The following SIM1 variants were observed in gnomAD, a reference collection of about 807,000 sequenced individuals.
SIM1 encodes the protein single-minded homolog 1.
In SIM1, 18 loss-of-function variants were observed where a neutral mutation model predicts 78.2. That is an observed-to-expected ratio of 0.23 (90% confidence interval 0.16 to 0.34). The LOEUF is 0.34. Ranked by LOEUF, SIM1 falls within the 10% of genes least tolerant of loss-of-function variation. The probability of loss-of-function intolerance (pLI) is 1.00; values close to 1 mark genes in which losing one functional copy is unlikely to be tolerated. For synonymous variants in SIM1, 417 were observed against 385.2 expected, an observed-to-expected ratio of 1.08 and a Z score of -0.97; for missense variants, 939 against 975.1, an observed-to-expected ratio of 0.96 and a Z score of 0.49.
rs752986057 is a variant in SIM1 at position 100,393,476 on chromosome 6, C to T, written c.1570+11G>A. The T allele has an allele frequency of 9.3e-6, 14 of 1,512,568 alleles. No homozygotes were observed. Among genetic ancestry groups the T allele is most frequent in the Middle Eastern group, 3.6e-4 (2 of 5,626 alleles). The allele number at this position is 1,512,568 out of a possible 1,614,324, so 93.7% of individuals were successfully genotyped here. A position where few individuals can be genotyped will look rare whatever the true frequency, so the allele number is the denominator to read the frequency against. On this transcript the variant is annotated intron_variant, in intron 11 of 11. Transcript: ENST00000369208. Reference sequence around the variant, plus strand: ...TGCTTGGAGTTCGGGAACCCTTTCACCTGCTCTTACCATGGATCCTGTGGA... The same window carrying T: ...TGCTTGGAGTTCGGGAACCCTTTCATCTGCTCTTACCATGGATCCTGTGGA...
Position 100,387,408 on chromosome 6 carries a change from C to T in SIM1, c.*2953G>A, listed in dbSNP as rs545190407. On this transcript the variant is annotated 3_prime_UTR_variant, in exon 12 of 12. Transcript: ENST00000369208. ...CATTATGAGGAAATATGTTGCTGCA[C>T]AGAACAAAATAATGTAGATTATAAA... 4 of 152,112 alleles carry T rather than the reference C, an allele frequency of 2.6e-5. No individual in the cohort carries two copies. Among genetic ancestry groups the T allele is most frequent in the African/African-American group, 9.6e-5 (4 of 41,530 alleles). 9.4% of individuals were successfully genotyped at this position (152,112 alleles called of 1,614,324 possible). A position where few individuals can be genotyped will look rare whatever the true frequency, so the allele number is the denominator to read the frequency against.
intron 7 of SIM1, 73 bp from the exon 8 acceptor site, chr6:100,448,325 G>GCCGT: frequency 7.2e-7 from 1 of 1,389,070 alleles, no homozygotes; most frequent in Non-Finnish European, 1.0e-6. Context: ...ACCCTCGACA[G>GCCGT]CCGTCTGACA....
chr6:100,412,725 AAGAAAG>A (rs1771273489), intron 10 of SIM1, among the ~76,000 whole-genome samples: 1 of 139,572 alleles, frequency 7.2e-6, no homozygotes. Context: ...GAAAGAAAGA[AAGAAAG>A]AAAGAAAGAA....
At chr6:100,403,165 T>G (rs1217487508) in intron 10 of SIM1, among the ~76,000 whole-genome samples, 2 of 152,226 alleles carry the variant, frequency 1.3e-5, no homozygotes, top group East Asian at 3.8e-4. Context: ...AGCATTCATT[T>G]TGCAAATTAA....
At chr6:100,426,888 C>T (rs1335227883) in intron 9 of SIM1, among the ~76,000 whole-genome samples, 1 of 152,076 alleles carries the variant, frequency 6.6e-6, no homozygotes, top group Non-Finnish European at 1.5e-5. Flanking sequence ...GCCAGATTTC[C>T]CGATTGAGCT....
chr6:100,434,300 C>G (rs562526210), intron 9 of SIM1, among the ~76,000 whole-genome samples: 1 of 152,206 alleles, frequency 6.6e-6, no homozygotes. Flanking sequence ...ACAACAAATA[C>G]TTCACTACGC....
At chr6:100,428,668 C>G (rs576738758) in intron 9 of SIM1, among the ~76,000 whole-genome samples, 2,064 of 143,452 alleles carry the variant, frequency 0.014, 77 homozygotes, top group African/African-American at 0.057. Flanking sequence ...CTAGTCCCCG[C>G]CTTATCCGAG....
At chr6:100,459,259 A>C (rs928162536) in intron 2 of SIM1, among the ~76,000 whole-genome samples, 5 of 152,340 alleles carry the variant, frequency 3.3e-5, no homozygotes, top group Middle Eastern at 6.8e-3. Context: ...CTCCCATTAA[A>C]GAAAAAAGTA....
Position 100,390,684 on chromosome 6 carries a change from T to A in SIM1, c.1978A>T (p.Ser660Cys), listed in dbSNP as rs915787849. 7 of 1,614,188 alleles carry A rather than the reference T, an allele frequency of 4.3e-6. No homozygotes were observed. Among genetic ancestry groups the A allele is most frequent in the African/African-American group, 1.3e-5 (1 of 75,046 alleles). Residue 660 changes from serine to cysteine, a missense_variant, in exon 12 of 12, where the codon AGT becomes TGT. Ser to Cys is a moderately radical substitution (Grantham distance 112, BLOSUM62 -1). Coordinates refer to ENST00000369208, the MANE Select transcript of SIM1 (RefSeq NM_005068.3). ...TTTGAAATGCGATCCGAATTGGGAC[T>A]ACTTATCCGAGATAGTGCGGTGGGA... is the stretch of plus-strand genomic sequence containing the variant. ...NSPTALSRIS[S>C]PNSDRISKSS...
At chr6:100,457,785 C>T (rs1040621312) in intron 2 of SIM1, among the ~76,000 whole-genome samples, 1 of 152,212 alleles carries the variant, frequency 6.6e-6, no homozygotes, top group African/African-American at 2.4e-5. Flanking sequence ...GCTAAGGAGC[C>T]TGTGTGGTTG....
chr6:100,461,451 T>G (rs879262809), intron 2 of SIM1, among the ~76,000 whole-genome samples: 7 of 152,182 alleles, frequency 4.6e-5, no homozygotes, highest in African/African-American at 1.7e-4. Context: ...AACGCCGCCC[T>G]GCTATTCTTC....
intron 10 of SIM1, among the ~76,000 whole-genome samples, chr6:100,411,639 G>A (rs1437047006): frequency 6.6e-6 from 1 of 152,022 alleles, no homozygotes; most frequent in Non-Finnish European, 1.5e-5. Context: ...ATCATTTAGT[G>A]AGTAAATACA....
intron 2 of SIM1, among the ~76,000 whole-genome samples, chr6:100,462,138 C>T (rs1399223077): frequency 6.6e-6 from 1 of 152,066 alleles, no homozygotes; most frequent in Non-Finnish European, 1.5e-5. Context: ...ATGACTGTTT[C>T]CTGCTCATCC....
intron 9 of SIM1, among the ~76,000 whole-genome samples, chr6:100,435,170 C>G (rs906099599): frequency 7.2e-5 from 11 of 152,116 alleles, no homozygotes; most frequent in African/African-American, 2.7e-4. Context: ...AACTGAGTCA[C>G]TTTGTGGAGA....
At chr6:100,401,479 AAG>A (rs1307976704) in intron 10 of SIM1, among the ~76,000 whole-genome samples, 2 of 152,120 alleles carry the variant, frequency 1.3e-5, no homozygotes, top group Admixed American at 1.3e-4. Flanking sequence ...GTGGTTATAT[AAG>A]AGAATATTCT....
At chr6:100,453,722 C>A (rs749493949) in intron 3 of SIM1, 40 bp downstream of exon 3, 3 of 1,492,322 alleles carry the variant, frequency 2.0e-6, no homozygotes, top group Non-Finnish European at 1.8e-6. Context: ...GCACTCAGAC[C>A]CTCAAAGCTT....
At position 100,463,822 on chromosome 6, in the gene SIM1, C is replaced by T. The variant is rs1008270515; in HGVS notation, c.-354G>A. ...TCTACTGCCAGCTGCGAACCCTGGTCCTCGGAAAATCGACATAATAATCCC... is the reference window on the plus strand; with the variant it reads ...TCTACTGCCAGCTGCGAACCCTGGTTCTCGGAAAATCGACATAATAATCCC... On this transcript the variant is annotated 5_prime_UTR_variant, in exon 2 of 12. Coordinates refer to ENST00000369208, the MANE Select transcript of SIM1 (RefSeq NM_005068.3). 2.0e-5 allele frequency: 4 copies of T among 198,238 alleles called. No homozygotes were observed. The highest frequency in any genetic ancestry group is 4.1e-5 in the Non-Finnish European group (4 of 96,766). 12.3% of individuals were successfully genotyped at this position (198,238 alleles called of 1,614,324 possible).
chr6:100,390,856 G>A lies in SIM1; in HGVS notation c.1806C>T (p.His602=). 3 of 1,614,194 alleles carry A rather than the reference G, an allele frequency of 1.9e-6. No homozygotes were observed. The highest frequency in any genetic ancestry group is 2.5e-6 in the Non-Finnish European group (3 of 1,180,026). ...LASINGAGKK[H]SLCFANYQQP... ...GTTGGTAGTTTGCAAAACACAGGGA[G>A]TGTTTTTTCCCAGCCCCATTAATGG... The change falls in exon 12 of 12, where the codon CAC becomes CAT. Residue 602 remains histidine, a synonymous_variant. Coordinates refer to ENST00000369208, the MANE Select transcript of SIM1 (RefSeq NM_005068.3).
intron 11 of SIM1, among the ~76,000 whole-genome samples, chr6:100,392,256 T>C (rs1170372305): frequency 6.6e-6 from 1 of 151,994 alleles, no homozygotes; most frequent in Non-Finnish European, 1.5e-5. Context: ...TATGGAGGAG[T>C]AGTGCATCCA....
Sources: allele counts gnomAD v4.1 joint callset (sites outside exome capture counted in the v4.1 genomes callset), GRCh38; gene constraint gnomAD v4.1.1; transcripts MANE v1.5; gene names NCBI Gene and HGNC (gene_info 2026-07-23, HGNC 2026-07-21).